AGBL4: variants seen among roughly 807,000 people sequenced by gnomAD.
AGBL4 encodes cytosolic carboxypeptidase 6.
AGBL4 carries 58 observed loss-of-function variants against 66.4 expected under a neutral mutation model. The observed-to-expected ratio is 0.87, with a 90% CI of 0.71 to 1.09. The LOEUF is 1.09. AGBL4 is among the 50% of genes least tolerant of loss of function. AGBL4 has a pLI of 0.00. For synonymous variants in AGBL4, 234 were observed against 222.9 expected, an observed-to-expected ratio of 1.05 and a Z score of -0.44; for missense variants, 579 against 631.0, an observed-to-expected ratio of 0.92 and a Z score of 0.88.
Position 48,686,474 on chromosome 1 carries a change from C to T in AGBL4, c.635-23233G>A, listed in dbSNP as rs188256937. Among the ~76,000 whole-genome samples the T allele has an allele frequency of 1.8e-4, 27 of 152,292 alleles. No homozygotes were observed. The South Asian group carries it at 3.1e-3, about 18-fold the overall frequency. On this transcript the variant is annotated intron_variant, in intron 6 of 13. Transcript: ENST00000371839. Reference sequence around the variant, plus strand: ...CCCACCTCTGGCTTACCCATTATATCGTTCAGCACACAGCGCAATGCTTTG... The same window carrying T: ...CCCACCTCTGGCTTACCCATTATATTGTTCAGCACACAGCGCAATGCTTTG...
rs1436306846 is a variant in AGBL4 at position 49,008,620 on chromosome 1, C to T, written c.594+36964G>A. 6.4e-3 allele frequency among the ~76,000 whole-genome samples: 900 copies of T among 140,392 alleles called. 7 individuals are homozygous for T. The highest frequency in any genetic ancestry group is 0.024 in the African/African-American group (860 of 36,508). 92.1% of individuals were successfully genotyped at this position (140,392 alleles called of 152,430 possible). ...CACCTATTCCAAAATTGACCACATA[C>T]TTGGAAGTAAAGCTCTCCTCAGCAA... On this transcript the variant is annotated intron_variant, in intron 5 of 13. Transcript: ENST00000371839.
At chr1:49,015,509 G>T (rs1052819425) in intron 5 of AGBL4, among the ~76,000 whole-genome samples, 2 of 148,924 alleles carry the variant, frequency 1.3e-5, no homozygotes, top group African/African-American at 5.0e-5. Context: ...TGCAAGCTCC[G>T]CCTCCTGGGT....
At chr1:49,745,728 G>C (rs1323795112) in intron 2 of AGBL4, among the ~76,000 whole-genome samples, 1 of 151,698 alleles carries the variant, frequency 6.6e-6, no homozygotes, top group East Asian at 1.9e-4. Context: ...TATCAAGAAA[G>C]TCCCAAAATA....
intron 6 of AGBL4, among the ~76,000 whole-genome samples, chr1:48,826,893 C>T (rs1479569132): frequency 6.6e-6 from 1 of 152,268 alleles, no homozygotes; most frequent in East Asian, 1.9e-4. Context: ...CCTCTTATCC[C>T]CATGCCCCGG....
chr1:49,454,651 T>C (rs1646350708), intron 3 of AGBL4, among the ~76,000 whole-genome samples: 1 of 151,668 alleles, frequency 6.6e-6, no homozygotes, highest in Non-Finnish European at 1.5e-5. Flanking sequence ...TGAATTTAAT[T>C]TCAATTCATT....
chr1:49,858,737 C>G (rs979951724), intron 1 of AGBL4, among the ~76,000 whole-genome samples: 5 of 152,076 alleles, frequency 3.3e-5, no homozygotes, highest in Non-Finnish European at 5.9e-5. Flanking sequence ...ATGAAAAAGG[C>G]CAGGCAAGGT....
intron 2 of AGBL4, among the ~76,000 whole-genome samples, chr1:49,768,395 C>T (rs553851802): frequency 3.6e-4 from 55 of 152,266 alleles, no homozygotes; most frequent in African/African-American, 1.2e-3. Context: ...AAATGTGATT[C>T]GCCACATAAA....
At chr1:49,854,724 C>T (rs1646391674) in intron 1 of AGBL4, among the ~76,000 whole-genome samples, 1 of 152,144 alleles carries the variant, frequency 6.6e-6, no homozygotes, top group South Asian at 2.1e-4. Flanking sequence ...TCTGGACCCC[C>T]AGCACTGTAG....
At chr1:48,992,653 T>G (rs1337243544) in intron 5 of AGBL4, among the ~76,000 whole-genome samples, 1 of 152,146 alleles carries the variant, frequency 6.6e-6, no homozygotes, top group Non-Finnish European at 1.5e-5. Context: ...AGAAATCTAC[T>G]TGGTGCTCCA....
At chr1:49,459,125 T>A (rs1646455160) in intron 3 of AGBL4, among the ~76,000 whole-genome samples, 1 of 151,548 alleles carries the variant, frequency 6.6e-6, no homozygotes, top group South Asian at 2.1e-4. Flanking sequence ...CATAGAATGA[T>A]TTAAGAAGCA....
chr1:49,950,030 G>GTATATATATACATA (rs1557611798), intron 1 of AGBL4, among the ~76,000 whole-genome samples: 4 of 131,100 alleles, frequency 3.1e-5, no homozygotes, highest in South Asian at 4.8e-4. Flanking sequence ...ATGTGTGTGT[G>GTATATATATACATA]TGTATATATA....
intron 4 of AGBL4, among the ~76,000 whole-genome samples, chr1:49,092,426 C>T (rs2147981716): frequency 6.6e-6 from 1 of 152,296 alleles, no homozygotes; most frequent in East Asian, 1.9e-4. Context: ...TTGTCCTACA[C>T]TTGGAGCATC....
At chr1:49,320,904 G>A (rs1221544145) in intron 3 of AGBL4, among the ~76,000 whole-genome samples, 1 of 152,098 alleles carries the variant, frequency 6.6e-6, no homozygotes, top group African/African-American at 2.4e-5. Context: ...TTCACAAGGT[G>A]GCAGGAGAGA....
intron 6 of AGBL4, among the ~76,000 whole-genome samples, chr1:48,691,919 C>T (rs1276788597): frequency 2.0e-5 from 3 of 152,180 alleles, no homozygotes; most frequent in African/African-American, 7.2e-5. Context: ...TTTTACTGGA[C>T]CTACCTTCTC....
chr1:49,920,245 T>G (rs1652066885), intron 1 of AGBL4, among the ~76,000 whole-genome samples: 3 of 152,202 alleles, frequency 2.0e-5, no homozygotes, highest in African/African-American at 7.2e-5. Flanking sequence ...AAATGGGATC[T>G]AATTAAACTA....
chr1:49,096,752 A>G (rs1645112663), intron 4 of AGBL4, among the ~76,000 whole-genome samples: 1 of 151,526 alleles, frequency 6.6e-6, no homozygotes, highest in Non-Finnish European at 1.5e-5. Flanking sequence ...TGACGAGGTA[A>G]TGGGTGCAGC....
At chr1:49,023,991 G>C (rs567599517) in intron 5 of AGBL4, among the ~76,000 whole-genome samples, 1 of 152,248 alleles carries the variant, frequency 6.6e-6, no homozygotes, top group East Asian at 1.9e-4. Flanking sequence ...CTTTCACTTT[G>C]AGAGGTAAAT....
intron 9 of AGBL4, among the ~76,000 whole-genome samples, chr1:48,615,552 G>T (rs1268644077): frequency 1.3e-5 from 2 of 152,170 alleles, no homozygotes; most frequent in African/African-American, 2.4e-5. Context: ...TCTCTTAAGA[G>T]AATCACTGCT....
chr1:48,803,607 G>T (rs1645857313), intron 6 of AGBL4, among the ~76,000 whole-genome samples: 1 of 152,170 alleles, frequency 6.6e-6, no homozygotes, highest in Non-Finnish European at 1.5e-5. Flanking sequence ...CAAAATTCTG[G>T]GGAAGGTACA....
Sources: gnomAD v4.1 joint callset for allele counts (sites outside exome capture counted in the v4.1 genomes callset) on GRCh38, gnomAD v4.1.1 for gene constraint, MANE v1.5 for transcripts, NCBI Gene and HGNC (gene_info 2026-07-23, HGNC 2026-07-21) for gene names.